CPED1: variants seen among roughly 807,000 people sequenced by gnomAD.
CPED1 encodes the protein cadherin-like and PC-esterase domain-containing protein 1.
In CPED1, 114 loss-of-function variants were observed where a neutral mutation model predicts 128.2. The observed-to-expected ratio is 0.89, with a 90% CI of 0.76 to 1.04. CPED1 has a LOEUF of 1.04. Ranked by LOEUF, CPED1 falls within the 50% of genes least tolerant of loss-of-function variation. The pLI, the probability that CPED1 is intolerant of heterozygous loss-of-function variation, is 0.00. For synonymous variants in CPED1, 462 were observed against 426.7 expected, an observed-to-expected ratio of 1.08 and a Z score of -1.02; for missense variants, 1,211 against 1,207.1, an observed-to-expected ratio of 1.00 and a Z score of -0.05.
chr7:121,296,561 G>A lies in CPED1; in HGVS notation c.*909G>A, dbSNP rs941603262. On this transcript the variant is annotated 3_prime_UTR_variant, in exon 23 of 23. Coordinates refer to ENST00000310396, the MANE Select transcript of CPED1 (RefSeq NM_024913.5). Reference sequence around the variant, plus strand: ...ACTATGCATTCTGAAATGCATAGGTGCTTTTTCCCACCAAGCATTTGCATA... The same window carrying A: ...ACTATGCATTCTGAAATGCATAGGTACTTTTTCCCACCAAGCATTTGCATA... 3 of 151,986 alleles carry A rather than the reference G, an allele frequency of 2.0e-5. No individual in the cohort carries two copies. The highest frequency in any genetic ancestry group is 7.2e-5 in the African/African-American group (3 of 41,388). 9.4% of individuals were successfully genotyped at this position (151,986 alleles called of 1,614,324 possible). A position where few individuals can be genotyped will look rare whatever the true frequency, so the allele number is the denominator to read the frequency against.
chr7:121,289,350 C>T (rs964527906), intron 22 of CPED1, among the ~76,000 whole-genome samples: 1 of 152,056 alleles, frequency 6.6e-6, no homozygotes, highest in African/African-American at 2.4e-5. Context: ...CATAATAATG[C>T]ACATTCATTG....
chr7:121,253,304 G>T (rs1164535407), intron 18 of CPED1, among the ~76,000 whole-genome samples: 1 of 113,418 alleles, frequency 8.8e-6, no homozygotes, highest in East Asian at 3.0e-4. Flanking sequence ...ACACACCGAG[G>T]ACGGTTGTGG....
chr7:121,120,989 A>G (rs1012820502), intron 7 of CPED1, among the ~76,000 whole-genome samples: 5 of 131,620 alleles, frequency 3.8e-5, no homozygotes, highest in South Asian at 2.6e-4. Flanking sequence ...AAAAAAAAAC[A>G]AAAAAACTCA....
chr7:121,140,832 AAC>A lies in CPED1; in HGVS notation c.1710_1711del (p.Pro571MetfsTer17). 1 of 1,609,190 alleles carries A rather than the reference AAC, an allele frequency of 6.2e-7. No homozygotes were observed. Among genetic ancestry groups the A allele is most frequent in the African/African-American group, 1.3e-5 (1 of 74,666 alleles). On this transcript the variant is annotated frameshift_variant, in exon 15 of 23. Coordinates refer to ENST00000310396, the MANE Select transcript of CPED1 (RefSeq NM_024913.5). LOFTEE classifies it high-confidence loss of function. Reference sequence around the variant, plus strand: ...TGTTTTTGTTTTTTTAACAGATGAAAACACACCATGTCATATCAAGCAGATCT... The same window carrying A: ...TGTTTTTGTTTTTTTAACAGATGAAAACACCATGTCATATCAAGCAGATCT... ...NKEIHCSDDE[N>X]TPCHIKQIFT...
intron 16 of CPED1, among the ~76,000 whole-genome samples, chr7:121,229,250 A>G (rs1490562168): frequency 1.3e-5 from 2 of 152,056 alleles, no homozygotes; most frequent in Non-Finnish European, 2.9e-5. Context: ...ATTTGTGAAT[A>G]TGATATTTTT....
intron 16 of CPED1, among the ~76,000 whole-genome samples, chr7:121,157,327 A>G (rs998341297): frequency 6.6e-6 from 1 of 152,222 alleles, no homozygotes; most frequent in Admixed American, 6.5e-5. Flanking sequence ...TATCATTAAT[A>G]TAGTGACGGG....
intron 2 of CPED1, among the ~76,000 whole-genome samples, chr7:121,010,767 TGTAAGATG>T (rs1792144185): frequency 1.3e-5 from 2 of 152,150 alleles, no homozygotes; most frequent in Admixed American, 1.3e-4. Context: ...TTAAGTCAGC[TGTAAGATG>T]CAAACAGAAG....
chr7:121,213,379 A>G (rs964140477), intron 16 of CPED1, among the ~76,000 whole-genome samples: 7 of 152,052 alleles, frequency 4.6e-5, no homozygotes, highest in Admixed American at 3.3e-4. Context: ...GTTCAATGCC[A>G]TAGTGCATCT....
chr7:121,267,981 G>A (rs1409531537), intron 21 of CPED1, among the ~76,000 whole-genome samples: 1 of 151,974 alleles, frequency 6.6e-6, no homozygotes, highest in African/African-American at 2.4e-5. Flanking sequence ...TCTCAAAAAT[G>A]TATCTGCCTG....
At chr7:121,091,547 C>G (rs926138490) in intron 5 of CPED1, among the ~76,000 whole-genome samples, 3 of 152,052 alleles carry the variant, frequency 2.0e-5, no homozygotes, top group African/African-American at 7.2e-5. Context: ...AAGTTAGAAA[C>G]AAGATTTCTA....
intron 18 of CPED1, among the ~76,000 whole-genome samples, chr7:121,246,598 T>G (rs1395728112): frequency 6.6e-6 from 1 of 152,236 alleles, no homozygotes; most frequent in Admixed American, 6.5e-5. Context: ...TGACCTTATC[T>G]AAACGTAATG....
chr7:121,289,642 C>A lies in CPED1; in HGVS notation c.2869-5798C>A, dbSNP rs1792651591. Among the ~76,000 whole-genome samples, 3 of 151,858 alleles carry A rather than the reference C, an allele frequency of 2.0e-5. No individual in the cohort carries two copies. The East Asian group carries it at 5.8e-4, about 29-fold the overall frequency. ...CTTATATGAGATGAAAAAATATGTA[C>A]CTAAATTGTTATATAGAACTCAAAA... On this transcript the variant is annotated intron_variant, in intron 22 of 22. Transcript: ENST00000310396.
intron 7 of CPED1, 33 bp downstream of exon 7, chr7:121,100,127 A>T (rs1044474069): frequency 6.3e-7 from 1 of 1,595,130 alleles, no homozygotes; most frequent in African/African-American, 1.3e-5. Flanking sequence ...TATTTCACGT[A>T]AGTACACTGA....
intron 5 of CPED1, among the ~76,000 whole-genome samples, chr7:121,080,727 A>T (rs897907533): frequency 1.3e-5 from 2 of 151,980 alleles, no homozygotes; most frequent in Admixed American, 6.6e-5. Flanking sequence ...ACACACACAC[A>T]CATACATATA....
At chr7:121,265,996 G>A (rs1485976798) in intron 18 of CPED1, among the ~76,000 whole-genome samples, 1 of 152,000 alleles carries the variant, frequency 6.6e-6, no homozygotes, top group Non-Finnish European at 1.5e-5. Context: ...GAAACAAGTG[G>A]TAAATATGAG....
intron 6 of CPED1, among the ~76,000 whole-genome samples, chr7:121,098,737 TATATATAAAA>T (rs1474245691): frequency 2.0e-4 from 6 of 29,350 alleles, no homozygotes; most frequent in East Asian, 2.6e-3. Context: ...CTCAAATATA[TATATATAAAA>T]ATATATAAAA....
chr7:121,080,614 A>G (rs1015442267), intron 5 of CPED1, among the ~76,000 whole-genome samples: 3 of 152,196 alleles, frequency 2.0e-5, no homozygotes, highest in African/African-American at 7.2e-5. Context: ...CCTAAAATTT[A>G]CATACCTGCT....
chr7:121,252,951 C>A (rs1250540866), intron 18 of CPED1, among the ~76,000 whole-genome samples: 1 of 152,112 alleles, frequency 6.6e-6, no homozygotes, highest in East Asian at 1.9e-4. Context: ...ACCCAGCCAT[C>A]CCATTACTGG....
At chr7:121,051,208 T>C (rs575695890) in intron 4 of CPED1, 23 of 502,400 alleles carry the variant, frequency 4.6e-5, no homozygotes, top group South Asian at 3.4e-4. Flanking sequence ...GTCTGATTAA[T>C]ACAGTATACC....
Sources: allele counts gnomAD v4.1 joint callset (sites outside exome capture counted in the v4.1 genomes callset), GRCh38; gene constraint gnomAD v4.1.1; transcripts MANE v1.5; gene names NCBI Gene and HGNC (gene_info 2026-07-23, HGNC 2026-07-21).